IL6ST: variants seen among roughly 807,000 people sequenced by gnomAD.
The protein encoded by IL6ST is interleukin-6 receptor subunit beta.
A neutral mutation model predicts 91.3 loss-of-function variants in IL6ST; 24 were observed. The ratio of observed to expected loss-of-function variants is 0.26; its 90% CI spans 0.19 to 0.37. The LOEUF is 0.37. Ranked by LOEUF, IL6ST falls within the 10% of genes least tolerant of loss-of-function variation. The pLI is 1.00. For missense variants in IL6ST, 914 were observed against 1,078.5 expected (o/e 0.85, Z 2.14); for synonymous variants, 351 against 373.6 (o/e 0.94, Z 0.70).
Position 55,935,413 on chromosome 5 carries a change from A to G in IL6ST, c.*5669T>C, listed in dbSNP as rs535519799. On this transcript the variant is annotated 3_prime_UTR_variant, in exon 17 of 17. Coordinates refer to ENST00000381298, the MANE Select transcript of IL6ST (RefSeq NM_002184.4). Reference sequence around the variant, plus strand: ...TCTTTAGCGGTTGGGGAAAATAGCTATATTTAAAAACAAATATTGAATTTT... The same window carrying G: ...TCTTTAGCGGTTGGGGAAAATAGCTGTATTTAAAAACAAATATTGAATTTT... The G allele has an allele frequency of 4.9e-6, 1 of 204,100 alleles. No homozygotes were observed. The highest frequency in any genetic ancestry group is 7.4e-5 in the East Asian group (1 of 13,434). 12.6% of individuals were successfully genotyped at this position (204,100 alleles called of 1,614,324 possible). A position where few individuals can be genotyped will look rare whatever the true frequency, so the allele number is the denominator to read the frequency against.
Position 55,977,997 on chromosome 5 carries a change from T to TA in IL6ST, c.-15-1705dup, listed in dbSNP as rs879640200. On this transcript the variant is annotated intron_variant, in intron 2 of 16. Transcript: ENST00000381298. Reference sequence around the variant, plus strand: ...CTGGGCAACAAAGCGAAATTCTATTTAAAAAAAAAAAAAGACTACATTTGT... The same window carrying TA: ...CTGGGCAACAAAGCGAAATTCTATTTAAAAAAAAAAAAAAGACTACATTTGT... Among the ~76,000 whole-genome samples, 327 of 142,390 alleles carry TA rather than the reference T, an allele frequency of 2.3e-3. 1 individual carries two copies. The highest frequency in any genetic ancestry group is 7.3e-3 in the African/African-American group (284 of 38,878). 93.4% of individuals were successfully genotyped at this position (142,390 alleles called of 152,430 possible). A position where few individuals can be genotyped will look rare whatever the true frequency, so the allele number is the denominator to read the frequency against.
In IL6ST at chr5:55,991,618, T is replaced by C. The variant is rs374275415; in HGVS notation, c.-104+3166A>G. Reference sequence around the variant, plus strand: ...AACACAACTTTAAACCTGTCATTCTTCTCCTCAACAGCTTTTTAAAGGGTG... The same window carrying C: ...AACACAACTTTAAACCTGTCATTCTCCTCCTCAACAGCTTTTTAAAGGGTG... On this transcript the variant is annotated intron_variant, in intron 1 of 16. Coordinates refer to ENST00000381298, the MANE Select transcript of IL6ST (RefSeq NM_002184.4). Among the ~76,000 whole-genome samples, 294 of 152,078 alleles carry C rather than the reference T, an allele frequency of 1.9e-3. 13 individuals are homozygous for C. The South Asian group carries it at 0.053, about 27-fold the overall frequency.
chr5:55,957,158 A>C (rs74881419), intron 9 of IL6ST, 51 bp downstream of exon 9: 3 of 609,836 alleles, frequency 4.9e-6, no homozygotes, highest in South Asian at 3.2e-5. Flanking sequence ...CTCGGTTTCA[A>C]AAAAAAAAAA....
In IL6ST at chr5:55,935,340, T is replaced by A; in HGVS notation, c.*5742A>T. On this transcript the variant is annotated 3_prime_UTR_variant, in exon 17 of 17. Coordinates refer to ENST00000381298, the MANE Select transcript of IL6ST (RefSeq NM_002184.4). ...CAGGGAATAAAGAATCAGGTTTGAA[T>A]GTCCACAGGTTTCTAAAACTAAGCT... is the stretch of plus-strand genomic sequence containing the variant. 5.0e-6 allele frequency: 1 copy of A among 199,486 alleles called. No homozygotes were observed. Among genetic ancestry groups the A allele is most frequent in the African/African-American group, 2.3e-5 (1 of 43,570 alleles). 12.4% of individuals were successfully genotyped at this position (199,486 alleles called of 1,614,324 possible).
intron 15 of IL6ST, 59 bp downstream of exon 15, chr5:55,947,434 T>C (rs948189387): frequency 1.1e-5 from 10 of 901,118 alleles, no homozygotes; most frequent in Admixed American, 2.2e-5. Context: ...TTTTATTGCA[T>C]GTAAATTCAG....
Position 55,960,439 on chromosome 5 carries a change from G to A in IL6ST, c.936C>T (p.Asp312=), listed in dbSNP as rs778217992. The change falls in exon 8 of 17, where the codon GAC becomes GAT. Residue 312 remains aspartate, a synonymous_variant. Coordinates refer to ENST00000381298, the MANE Select transcript of IL6ST (RefSeq NM_002184.4). ...TGATCCCACTTGCTTCTTCACTCCA[G>A]TCACTCCAGTATCCCTTACCATCTT... is the stretch of plus-strand genomic sequence containing the variant. ...MKEDGKGYWS[D]WSEEASGITY... 3.1e-5 allele frequency: 50 copies of A among 1,613,738 alleles called. No individual in the cohort carries two copies. In the East Asian group the frequency reaches 1.1e-3, roughly 35 times the overall value.
chr5:55,982,556 A>G (rs899412368), intron 2 of IL6ST, among the ~76,000 whole-genome samples, 168 bp downstream of exon 2: 2 of 152,198 alleles, frequency 1.3e-5, no homozygotes, highest in Non-Finnish European at 2.9e-5. Context: ...ATGAGTTCAT[A>G]ACAATTAACA....
chr5:55,950,954 CA>C (rs35481328), intron 14 of IL6ST, among the ~76,000 whole-genome samples: 46 of 143,996 alleles, frequency 3.2e-4, no homozygotes, highest in Admixed American at 6.2e-4. Flanking sequence ...ACCCTGCCTC[CA>C]AAAAAAAAAA....
intron 15 of IL6ST, 145 bp from the exon 16 acceptor site, chr5:55,942,896 A>T (rs1279645459): frequency 4.0e-6 from 2 of 505,754 alleles, no homozygotes; most frequent in Non-Finnish European, 7.1e-6. Context: ...ACCCCAAACA[A>T]AAATTATTTT....
rs1750866846 is a variant in IL6ST, at chr5:55,940,983, C to G, written c.*99G>C. On this transcript the variant is annotated 3_prime_UTR_variant, in exon 17 of 17. Transcript: ENST00000381298. ...GTCCTTAAGGGCAAATGATCATCTT[C>G]AGAGAGTGAAGACTTTTTAAAATCT... The G allele has an allele frequency of 8.2e-7, 1 of 1,218,410 alleles. No individual in the cohort carries two copies. Among genetic ancestry groups the G allele is most frequent in the Admixed American group, 2.4e-5 (1 of 42,330 alleles). 75.5% of individuals were successfully genotyped at this position (1,218,410 alleles called of 1,614,324 possible).
rs1176550648 is a variant in IL6ST at position 55,935,651 on chromosome 5, G to C, written c.*5431C>G. Reference sequence around the variant, plus strand: ...CTACCTCAGTTCCTCTTTGCTTGTAGTCTTTCACTCCATTAACTTGCCCAA... The same window carrying C: ...CTACCTCAGTTCCTCTTTGCTTGTACTCTTTCACTCCATTAACTTGCCCAA... On this transcript the variant is annotated 3_prime_UTR_variant, in exon 17 of 17. Coordinates refer to ENST00000381298, the MANE Select transcript of IL6ST (RefSeq NM_002184.4). The C allele has an allele frequency of 4.6e-6, 1 of 219,358 alleles. No individual in the cohort carries two copies. Among genetic ancestry groups the C allele is most frequent in the Non-Finnish European group, 9.1e-6 (1 of 109,418 alleles). The allele number at this position is 219,358 out of a possible 1,614,324, so 13.6% of individuals were successfully genotyped here. A position where few individuals can be genotyped will look rare whatever the true frequency, so the allele number is the denominator to read the frequency against.
intron 1 of IL6ST, among the ~76,000 whole-genome samples, chr5:55,985,670 G>A (rs916965019): frequency 2.6e-5 from 4 of 151,942 alleles, no homozygotes; most frequent in Non-Finnish European, 5.9e-5. Flanking sequence ...TTGTATATAC[G>A]GATAATTGTT....
At chr5:55,958,562 G>A (rs79274451) in intron 8 of IL6ST, among the ~76,000 whole-genome samples, 3,481 of 152,194 alleles carry the variant, frequency 0.023, 56 homozygotes, top group African/African-American at 0.048. Flanking sequence ...GTAAGGCTGG[G>A]TGTGGTGGCT....
Position 55,982,724 on chromosome 5 carries a change from C to T in IL6ST, c.-16G>A. The stretch of plus-strand genomic sequence containing the variant: ...AATTCAGACAAGATCAATTACTTAC[C>T]CAAATCACAAAATTAGTAAGTGAAG... On this transcript the variant is annotated splice_region_variant and 5_prime_UTR_variant, in exon 2 of 17. Coordinates refer to ENST00000381298, the MANE Select transcript of IL6ST (RefSeq NM_002184.4). 1 of 398,142 alleles carries T rather than the reference C, an allele frequency of 2.5e-6. No homozygotes were observed. Among genetic ancestry groups the T allele is most frequent in the Non-Finnish European group, 4.4e-6 (1 of 225,876 alleles). The allele number at this position is 398,142 out of a possible 1,614,324, so 24.7% of individuals were successfully genotyped here.
rs758709221 is a variant in IL6ST, at chr5:55,951,565, G to A, written c.1739C>T (p.Ser580Phe). 6.8e-6 allele frequency: 11 copies of A among 1,612,498 alleles called. No individual in the cohort carries two copies. The East Asian group carries it at 2.2e-4, about 33-fold the overall frequency. ...GTACAATGTGTCACTAGTCAAAGAG[G>A]ACAATGTATATTCTGTGTGGGAAGA... is the stretch of plus-strand genomic sequence containing the variant. ...VDSSHTEYTL[S>F]SLTSDTLYMV... Residue 580 changes from serine to phenylalanine, a missense_variant, in exon 14 of 17, where the codon TCC becomes TTC. Coordinates refer to ENST00000381298, the MANE Select transcript of IL6ST (RefSeq NM_002184.4).
In IL6ST at chr5:55,958,085, T is replaced by C. The variant is rs148203234; in HGVS notation, c.974-794A>G. 3.7e-4 allele frequency among the ~76,000 whole-genome samples: 57 copies of C among 152,306 alleles called. 1 individual carries two copies. In the East Asian group the frequency reaches 0.01, roughly 27 times the overall value. On this transcript the variant is annotated intron_variant, in intron 8 of 16. Transcript: ENST00000381298. ...GTATTGTTGTGATAATCACTAACCA[T>C]CTGAAAAAGCAATCCATAAAACATA...
chr5:55,964,656 C>T (rs191767459), intron 5 of IL6ST, among the ~76,000 whole-genome samples: 63 of 152,216 alleles, frequency 4.1e-4, no homozygotes, highest in African/African-American at 1.5e-3. Context: ...TACTGTACCA[C>T]AAATTTCTTT....
intron 1 of IL6ST, among the ~76,000 whole-genome samples, chr5:55,989,991 A>G (rs1047712474): frequency 6.6e-6 from 1 of 152,154 alleles, no homozygotes; most frequent in African/African-American, 2.4e-5. Flanking sequence ...AAAACAGAAC[A>G]TCCAAACAAA....
At chr5:55,978,113 T>C (rs897533893) in intron 2 of IL6ST, 4 of 152,206 alleles carry the variant, frequency 2.6e-5, no homozygotes, top group African/African-American at 9.6e-5. Context: ...CACAGTGTCA[T>C]GGATACTGGC....
Sources: gnomAD v4.1 joint callset for allele counts (sites outside exome capture counted in the v4.1 genomes callset) on GRCh38, gnomAD v4.1.1 for gene constraint, MANE v1.5 for transcripts, NCBI Gene and HGNC (gene_info 2026-07-23, HGNC 2026-07-21) for gene names.